DCAF1: variants seen among roughly 807,000 people sequenced by gnomAD.
DCAF1 encodes DDB1- and CUL4-associated factor 1.
A neutral mutation model predicts 128.0 loss-of-function variants in DCAF1; 15 were observed. That is an observed-to-expected ratio of 0.12 (90% CI 0.08 to 0.18). DCAF1 has a LOEUF of 0.18. DCAF1 is among the 10% of genes least tolerant of loss of function. DCAF1 has a pLI of 1.00. For synonymous variants in DCAF1, 610 were observed against 603.0 expected (o/e 1.01, Z -0.17); for missense variants, 988 against 1,649.5 (o/e 0.60, Z 6.95).
chr3:51,494,822 T>C (rs893778620), intron 2 of DCAF1, among the ~76,000 whole-genome samples: 6 of 152,126 alleles, frequency 3.9e-5, no homozygotes, highest in African/African-American at 1.4e-4. Flanking sequence ...CCTTCCAAAG[T>C]GCTAGGATTG....
intron 6 of DCAF1, among the ~76,000 whole-genome samples, chr3:51,462,557 C>T (rs1577228123): frequency 6.6e-6 from 1 of 151,934 alleles, no homozygotes; most frequent in Non-Finnish European, 1.5e-5. Flanking sequence ...GCCAACCTGA[C>T]CAACATGGTG....
chr3:51,417,738 A>G (rs1474819287), intron 17 of DCAF1, among the ~76,000 whole-genome samples: 1 of 141,246 alleles, frequency 7.1e-6, no homozygotes, highest in Non-Finnish European at 1.6e-5. Flanking sequence ...TAAAAAAAAG[A>G]AAAAAAAAAG....
chr3:51,430,997 T>C (rs782203824), intron 10 of DCAF1, among the ~76,000 whole-genome samples: 1 of 152,014 alleles, frequency 6.6e-6, no homozygotes, highest in African/African-American at 2.4e-5. Context: ...CTGGGCAAAA[T>C]GGCAAAACCC....
chr3:51,441,283 T>C (rs1281888750), intron 8 of DCAF1, 102 bp downstream of exon 8: 40 of 1,399,598 alleles, frequency 2.9e-5, no homozygotes, highest in Non-Finnish European at 3.5e-5. Context: ...TTGTTTGTGG[T>C]AGAGTTAGAA....
intron 24 of DCAF1, among the ~76,000 whole-genome samples, chr3:51,400,943 T>G (rs1410137796): frequency 2.0e-5 from 3 of 151,890 alleles, no homozygotes; most frequent in African/African-American, 7.3e-5. Context: ...CCATCCTGGC[T>G]AACACGGTGA....
chr3:51,429,609 T>C, intron 11 of DCAF1, 139 bp from the exon 12 acceptor site: 1 of 625,530 alleles, frequency 1.6e-6, no homozygotes, highest in Non-Finnish European at 2.9e-6. Context: ...AGTAAACTTT[T>C]ATGCTTAACA....
At chr3:51,414,223 A>C (rs1698679917) in intron 19 of DCAF1, among the ~76,000 whole-genome samples, 180 bp from the exon 20 acceptor site, 1 of 152,244 alleles carries the variant, frequency 6.6e-6, no homozygotes, top group Admixed American at 6.5e-5. Context: ...CTCTGAAAAT[A>C]TCCTAGGGTA....
At chr3:51,428,448 C>T (rs1700095586) in intron 12 of DCAF1, among the ~76,000 whole-genome samples, 2 of 151,656 alleles carry the variant, frequency 1.3e-5, no homozygotes, top group Admixed American at 1.3e-4. Flanking sequence ...CCTCTGCCTC[C>T]CAAGTAGCTA....
chr3:51,446,990 T>TAATAATAAA (rs2107767910), intron 6 of DCAF1, among the ~76,000 whole-genome samples: 1 of 147,768 alleles, frequency 6.8e-6, no homozygotes, highest in Admixed American at 6.8e-5. Flanking sequence ...ATAATAATAA[T>TAATAATAAA]AATAATAATA....
chr3:51,481,648 T>A (rs1015960233), intron 3 of DCAF1, among the ~76,000 whole-genome samples: 1 of 151,672 alleles, frequency 6.6e-6, no homozygotes, highest in Non-Finnish European at 1.5e-5. Flanking sequence ...TGAGCCAAGA[T>A]CGCACCACTG....
chr3:51,493,446 A>G lies in DCAF1; in HGVS notation c.-9+3288T>C, dbSNP rs569971169. Among the ~76,000 whole-genome samples the G allele has an allele frequency of 4.1e-4, 62 of 152,002 alleles. 1 individual carries two copies. Among genetic ancestry groups the G allele is most frequent in the African/African-American group, 1.1e-3 (44 of 41,464 alleles). ...GGCAATGAGCGCAAAACTCCATCTCAGGGGAAAAAAAAAAGGAATTCAAAC... is the reference window on the plus strand; with the variant it reads ...GGCAATGAGCGCAAAACTCCATCTCGGGGGAAAAAAAAAAGGAATTCAAAC... On this transcript the variant is annotated intron_variant, in intron 2 of 24. Transcript: ENST00000684031.
upstream of DCAF1, among the ~76,000 whole-genome samples, chr3:51,500,502 G>A (rs1708745383): frequency 6.6e-6 from 1 of 152,102 alleles, no homozygotes; most frequent in Non-Finnish European, 1.5e-5. Context: ...AGAAATCACA[G>A]CACTCATTAA....
intron 23 of DCAF1, among the ~76,000 whole-genome samples, chr3:51,404,229 T>C (rs1449224930): frequency 1.3e-5 from 2 of 152,190 alleles, no homozygotes; most frequent in Non-Finnish European, 2.9e-5. Flanking sequence ...CATTTCCAAG[T>C]AAACGTAGCT....
intron 24 of DCAF1, among the ~76,000 whole-genome samples, chr3:51,400,051 T>A (rs542307784): frequency 6.3e-4 from 96 of 152,126 alleles, no homozygotes; most frequent in Non-Finnish European, 7.2e-4. Context: ...AAGAAAAGCA[T>A]GGCAATGATA....
upstream of DCAF1, among the ~76,000 whole-genome samples, chr3:51,500,344 C>T (rs1553663792): frequency 6.6e-6 from 1 of 152,016 alleles, no homozygotes; most frequent in East Asian, 1.9e-4. Flanking sequence ...GGAGCCAATC[C>T]TTCTAAGACA....
At chr3:51,413,140 A>C in intron 21 of DCAF1, 74 bp from the exon 22 acceptor site, 2 of 1,590,156 alleles carry the variant, frequency 1.3e-6, no homozygotes, top group African/African-American at 1.3e-5. Flanking sequence ...CCTCTAAAGG[A>C]ATTCAGGATG....
chr3:51,410,423 T>G (rs1698294181), intron 23 of DCAF1, among the ~76,000 whole-genome samples: 1 of 152,264 alleles, frequency 6.6e-6, no homozygotes, highest in African/African-American at 2.4e-5. Flanking sequence ...TCATCTTTGA[T>G]GTACAGGTGA....
At chr3:51,445,989 CT>C (rs782164524) in intron 6 of DCAF1, among the ~76,000 whole-genome samples, 225 of 117,632 alleles carry the variant, frequency 1.9e-3, no homozygotes, top group East Asian at 8.3e-3. Flanking sequence ...AACCTAAGTT[CT>C]TTTTTTTTTT....
chr3:51,471,189 CTT>C (rs201168888), intron 3 of DCAF1, among the ~76,000 whole-genome samples, 184 bp from the exon 4 acceptor site: 30 of 139,840 alleles, frequency 2.1e-4, no homozygotes, highest in Admixed American at 8.0e-4. Flanking sequence ...CAAACTCATT[CTT>C]TTTTTTTTTT....
Sources: gnomAD v4.1 joint callset for allele counts (sites outside exome capture counted in the v4.1 genomes callset) on GRCh38, gnomAD v4.1.1 for gene constraint, MANE v1.5 for transcripts, NCBI Gene and HGNC (gene_info 2026-07-23, HGNC 2026-07-21) for gene names.